The following RAB33B variants were observed in gnomAD, a reference collection of about 807,000 sequenced individuals.
RAB33B encodes RAB33B, member RAS oncogene family.
A neutral mutation model predicts 15.0 loss-of-function variants in RAB33B; 6 were observed. That is an observed-to-expected ratio of 0.40 (90% CI 0.22 to 0.79). RAB33B has a LOEUF of 0.79. Among genes scored for constraint, RAB33B ranks in the 30% least tolerant of loss-of-function variants. The pLI is 0.37. For synonymous variants in RAB33B, 117 were observed against 108.3 expected (o/e 1.08, Z -0.50); for missense variants, 257 against 296.4 (o/e 0.87, Z 0.98).
At chr4:139,463,587 G>A (rs1005655922) in intron 1 of RAB33B, among the ~76,000 whole-genome samples, 25 of 152,180 alleles carry the variant, frequency 1.6e-4, no homozygotes, top group African/African-American at 5.3e-4. Context: ...AGATGAAAGC[G>A]TCTCACTTCC....
chr4:139,458,525 T>G (rs1321380403), intron 1 of RAB33B, among the ~76,000 whole-genome samples: 2 of 152,246 alleles, frequency 1.3e-5, no homozygotes, highest in Non-Finnish European at 2.9e-5. Flanking sequence ...TTTGGTTTTC[T>G]GTTCCTGCAT....
chr4:139,471,925 G>C (rs765972544), intron 1 of RAB33B, among the ~76,000 whole-genome samples: 7 of 152,036 alleles, frequency 4.6e-5, no homozygotes, highest in Admixed American at 1.3e-4. Flanking sequence ...CTCATTTTTT[G>C]CATGTTGTCC....
In RAB33B at chr4:139,474,806, C is replaced by T. The variant is rs1750470022; in HGVS notation, c.*1680C>T. 6.6e-6 allele frequency: 1 copy of T among 152,566 alleles called. No homozygotes were observed. Among genetic ancestry groups the T allele is most frequent in the Admixed American group, 6.5e-5 (1 of 15,274 alleles). The allele number at this position is 152,566 out of a possible 1,614,324, so 9.5% of individuals were successfully genotyped here. A position where few individuals can be genotyped will look rare whatever the true frequency, so the allele number is the denominator to read the frequency against. ...AATGGAATGTAAGCCATGACTTTAA[C>T]TGAAGTGTTCACATTCACTAATTTT... On this transcript the variant is annotated 3_prime_UTR_variant, in exon 2 of 2. Transcript: ENST00000305626.
rs1305300298 is a variant in RAB33B at position 139,472,982 on chromosome 4, C to T, written c.546C>T (p.Pro182=). The change falls in exon 2 of 2, where the codon CCC becomes CCT. Residue 182 remains proline (P), a synonymous_variant. Coordinates refer to ENST00000305626, the MANE Select transcript of RAB33B (RefSeq NM_031296.3). The stretch of plus-strand genomic sequence containing the variant: ...TGTTTGAAACGTCTGCTAAAAACCC[C>T]AATGATAATGACCATGTGGAAGCTA... ...MPLFETSAKN[P]NDNDHVEAIF... is the part of the protein sequence containing the mutation. 6.2e-7 allele frequency: 1 copy of T among 1,614,008 alleles called. No homozygotes were observed. Among genetic ancestry groups the T allele is most frequent in the African/African-American group, 1.3e-5 (1 of 74,906 alleles).
chr4:139,443,936 A>G, the RAB33B span, among the ~76,000 whole-genome samples: 10 of 152,110 alleles, frequency 6.6e-5, no homozygotes, highest in Non-Finnish European at 1.5e-4. Flanking sequence ...GCCACCCCCA[A>G]TACCCTTGTT....
the RAB33B span, among the ~76,000 whole-genome samples, chr4:139,440,514 T>TTGTGTGCAA: frequency 1.3e-5 from 2 of 152,162 alleles, no homozygotes; most frequent in Non-Finnish European, 1.5e-5. Context: ...TCCTACAAGC[T>TTGTGTGCAA]GTGTGCAAAC....
chr4:139,442,981 T>C, the RAB33B span, among the ~76,000 whole-genome samples: 1 of 151,702 alleles, frequency 6.6e-6, no homozygotes, highest in Admixed American at 6.6e-5. Flanking sequence ...AGAACACTGA[T>C]AGTCGCTGGC....
intron 1 of RAB33B, among the ~76,000 whole-genome samples, chr4:139,459,951 A>G (rs1289886915): frequency 2.0e-5 from 3 of 152,206 alleles, no homozygotes; most frequent in Non-Finnish European, 4.4e-5. Context: ...CTTAAACCAC[A>G]TAGTAAGTAC....
chr4:139,454,142 C>G lies in RAB33B; in HGVS notation c.-54C>G, dbSNP rs13128486. ...GCGCGCTCTTGCGGTGGCGTAATCT[C>G]TCAGCCTTTCTGTGTCTCCTTTCCT... On this transcript the variant is annotated 5_prime_UTR_variant, in exon 1 of 2. Coordinates refer to ENST00000305626, the MANE Select transcript of RAB33B (RefSeq NM_031296.3). 0.24 allele frequency: 376,964 copies of G among 1,552,520 alleles called. 47,491 individuals carry two copies. Among genetic ancestry groups the G allele is most frequent in the Non-Finnish European group, 0.26 (302,146 of 1,149,248 alleles).
At chr4:139,449,459 G>A (rs753402262), upstream of RAB33B, 6 of 152,174 alleles carry the variant, frequency 3.9e-5, no homozygotes, top group African/African-American at 1.4e-4. Flanking sequence ...TACCAAAGGA[G>A]ATTAACATTT....
the RAB33B span, among the ~76,000 whole-genome samples, chr4:139,442,976 A>T: frequency 5.3e-5 from 8 of 151,200 alleles, no homozygotes; most frequent in Non-Finnish European, 1.2e-4. Flanking sequence ...TATGGAGAAC[A>T]CTGATAGTCG....
the RAB33B span, among the ~76,000 whole-genome samples, chr4:139,438,851 T>G: frequency 6.6e-6 from 1 of 152,250 alleles, no homozygotes. Flanking sequence ...TATTTCTTTA[T>G]ACAAGTTCAG....
At chr4:139,470,970 G>A (rs1428541470) in intron 1 of RAB33B, among the ~76,000 whole-genome samples, 2 of 152,180 alleles carry the variant, frequency 1.3e-5, no homozygotes, top group African/African-American at 2.4e-5. Context: ...ATGGAGGGAA[G>A]TGGTCTTTTT....
chr4:139,466,591 T>C (rs1207434402), intron 1 of RAB33B, among the ~76,000 whole-genome samples: 1 of 151,978 alleles, frequency 6.6e-6, no homozygotes, highest in East Asian at 1.9e-4. Flanking sequence ...TTTCTTTTTT[T>C]TTTTTGAGAC....
intron 1 of RAB33B, among the ~76,000 whole-genome samples, chr4:139,455,184 C>G (rs1197479959): frequency 6.6e-6 from 1 of 152,086 alleles, no homozygotes; most frequent in Non-Finnish European, 1.5e-5. Flanking sequence ...GGCCCCAGGG[C>G]AGGTTTGAAG....
chr4:139,439,457 T>C, the RAB33B span, among the ~76,000 whole-genome samples: 1 of 152,258 alleles, frequency 6.6e-6, no homozygotes, highest in East Asian at 1.9e-4. Context: ...CTTTTGCTGC[T>C]TTCAAAATTC....
In RAB33B at chr4:139,473,104, C is replaced by T; in HGVS notation, c.668C>T (p.Pro223Leu). Residue 223 changes from proline to leucine, a missense_variant, in exon 2 of 2, where the codon CCT becomes CTT. Physicochemically the swap from Pro to Leu is moderately conservative, Grantham distance 98 (BLOSUM62 -3). Transcript: ENST00000305626. ...NGIILKPEPKPAMTCWC is the reference protein window; with the variant it reads ...NGIILKPEPKLAMTCWC ...ATTATCCTGAAGCCTGAACCAAAGCCTGCAATGACGTGCTGGTGCTAAATA... is the reference window on the plus strand; with the variant it reads ...ATTATCCTGAAGCCTGAACCAAAGCTTGCAATGACGTGCTGGTGCTAAATA... The T allele has an allele frequency of 6.2e-7, 1 of 1,604,650 alleles. No homozygotes were observed. Among genetic ancestry groups the T allele is most frequent in the South Asian group, 1.1e-5 (1 of 90,360 alleles).
At chr4:139,459,017 G>A in intron 1 of RAB33B, among the ~76,000 whole-genome samples, 1 of 151,578 alleles carries the variant, frequency 6.6e-6, no homozygotes, top group Non-Finnish European at 1.5e-5. Context: ...GTGATGTTGA[G>A]CATTTTTTCA....
chr4:139,455,581 C>T (rs13136715), intron 1 of RAB33B, among the ~76,000 whole-genome samples: 117,956 of 152,152 alleles, frequency 0.78, 46,174 homozygotes, highest in Admixed American at 0.85. Flanking sequence ...TTTGGTGCTT[C>T]TGTCTTTTAA....
Sources: gnomAD v4.1 joint callset for allele counts (sites outside exome capture counted in the v4.1 genomes callset) on GRCh38, gnomAD v4.1.1 for gene constraint, MANE v1.5 for transcripts, NCBI Gene and HGNC (gene_info 2026-07-23, HGNC 2026-07-21) for gene names.